The following RFWD3 variants were observed in gnomAD, a reference collection of about 807,000 sequenced individuals.
The protein encoded by RFWD3 is ring finger and WD repeat domain 3.
Under a neutral mutation model 87.7 loss-of-function variants are expected in RFWD3, and 65 were observed. The ratio of observed to expected loss-of-function variants is 0.74; its 90% CI spans 0.61 to 0.91. RFWD3 has a LOEUF of 0.91. Ranked by LOEUF, RFWD3 falls within the 40% of genes least tolerant of loss-of-function variation. The probability of loss-of-function intolerance (pLI) is 0.00; values close to 1 mark genes in which losing one functional copy is unlikely to be tolerated. For missense variants in RFWD3, 1,078 were observed against 938.5 expected, an observed-to-expected ratio of 1.15 and a Z score of -1.94; for synonymous variants, 433 against 352.8, an observed-to-expected ratio of 1.23 and a Z score of -2.55.
intron 2 of RFWD3, among the ~76,000 whole-genome samples, chr16:74,653,118 T>C (rs1317497897): frequency 6.6e-6 from 1 of 152,040 alleles, no homozygotes; most frequent in East Asian, 1.9e-4. Flanking sequence ...GTGGGTAAAC[T>C]GCTTGTGCCT....
At position 74,637,963 on chromosome 16, in the gene RFWD3, G is replaced by A. The variant is rs777436206; in HGVS notation, c.1087C>T (p.Leu363=). Residue 363 remains leucine, a synonymous_variant, in exon 7 of 13, where the codon CTG becomes TTG. Transcript: ENST00000361070. ...SEQERMKSSL[L]KEQMLRKQAE... is the part of the protein sequence containing the mutation. ...TGTTTCCTTAGCATCTGTTCCTTCA[G>A]TAGGGAACTAGAGGGGGAAAGCCAG... The A allele has an allele frequency of 1.9e-6, 3 of 1,608,884 alleles. No homozygotes were observed. The Admixed American group carries it at 5.0e-5, about 27-fold the overall frequency.
At chr16:74,637,484 G>A (rs1171962065) in intron 7 of RFWD3, among the ~76,000 whole-genome samples, 1 of 151,970 alleles carries the variant, frequency 6.6e-6, no homozygotes, top group African/African-American at 2.4e-5. Context: ...AAAATTAGCT[G>A]GGCATGGTGG....
chr16:74,633,511 G>A (rs535450907), intron 8 of RFWD3, among the ~76,000 whole-genome samples: 1 of 152,118 alleles, frequency 6.6e-6, no homozygotes, highest in East Asian at 1.9e-4. Flanking sequence ...ACCAAAAAAT[G>A]GTAACACTAT....
At chr16:74,662,124 C>G (rs1169582558) in intron 1 of RFWD3, among the ~76,000 whole-genome samples, 1 of 151,740 alleles carries the variant, frequency 6.6e-6, no homozygotes, top group Non-Finnish European at 1.5e-5. Flanking sequence ...AAAACTACCA[C>G]CTAGTTTTTA....
chr16:74,633,867 T>G (rs1959170878), intron 8 of RFWD3, among the ~76,000 whole-genome samples: 1 of 151,892 alleles, frequency 6.6e-6, no homozygotes, highest in South Asian at 2.1e-4. Context: ...GAAGGATGAC[T>G]TGAGCCCAGG....
At chr16:74,660,771 G>T in intron 2 of RFWD3, 161 bp downstream of exon 2, 1 of 709,948 alleles carries the variant, frequency 1.4e-6, no homozygotes, top group South Asian at 1.9e-5. Context: ...TCATTACTTT[G>T]TGAAGTAAGG....
chr16:74,632,269 G>C (rs1489930580), intron 9 of RFWD3, among the ~76,000 whole-genome samples: 1 of 152,072 alleles, frequency 6.6e-6, no homozygotes, highest in Admixed American at 6.6e-5. Context: ...GCAGGCGCCT[G>C]TAGTCCTAGC....
At chr16:74,644,921 A>G (rs991110541) in intron 4 of RFWD3, among the ~76,000 whole-genome samples, 186 bp from the exon 5 acceptor site, 123 of 152,218 alleles carry the variant, frequency 8.1e-4, no homozygotes, top group Non-Finnish European at 1.1e-3. Context: ...AATATAAGCT[A>G]TGAAAACTAT....
intron 6 of RFWD3, among the ~76,000 whole-genome samples, chr16:74,640,239 G>C (rs1019164561): frequency 1.3e-5 from 2 of 150,942 alleles, no homozygotes; most frequent in South Asian, 2.1e-4. Flanking sequence ...GCCTCCTCCC[G>C]AGTTCAAGCG....
intron 7 of RFWD3, 96 bp from the exon 8 acceptor site, chr16:74,636,673 A>C: frequency 1.1e-6 from 1 of 949,898 alleles, no homozygotes; most frequent in Non-Finnish European, 1.6e-6. Context: ...TTTTTTATCC[A>C]TTATATGAAA....
intron 2 of RFWD3, among the ~76,000 whole-genome samples, chr16:74,654,354 T>A (rs891433400): frequency 1.3e-5 from 2 of 152,196 alleles, no homozygotes; most frequent in African/African-American, 4.8e-5. Flanking sequence ...TCTGCCTGTG[T>A]TGGGTTTTGT....
chr16:74,651,712 G>A lies in RFWD3; in HGVS notation c.721+208C>T, dbSNP rs941283730. On this transcript the variant is annotated intron_variant, in intron 3 of 12. Coordinates refer to ENST00000361070, the MANE Select transcript of RFWD3 (RefSeq NM_018124.4). ...GCCACTACAAAGTGACTAACTCACT[G>A]GGTCACAAATTACATTAAGCTGTAA... Among the ~76,000 whole-genome samples, 3 of 152,294 alleles carry A rather than the reference G, an allele frequency of 2.0e-5. No individual in the cohort carries two copies. The East Asian group carries it at 5.8e-4, about 29-fold the overall frequency.
intron 1 of RFWD3, among the ~76,000 whole-genome samples, chr16:74,663,473 C>T (rs1054757209): frequency 6.6e-6 from 1 of 152,004 alleles, no homozygotes; most frequent in African/African-American, 2.4e-5. Context: ...TGACAGGTGA[C>T]CTAAAAAAGC....
intron 8 of RFWD3, 165 bp from the exon 9 acceptor site, chr16:74,632,838 T>C (rs766162298): frequency 1.7e-4 from 103 of 623,334 alleles, no homozygotes; most frequent in Non-Finnish European, 2.6e-4. Flanking sequence ...TTCATTTATT[T>C]TTGAGAGTTG....
At chr16:74,658,766 A>ATTT (rs386364851) in intron 2 of RFWD3, among the ~76,000 whole-genome samples, 1 of 139,500 alleles carries the variant, frequency 7.2e-6, no homozygotes. Context: ...AGATTCTATA[A>ATTT]TTTTTTTTTT....
At chr16:74,660,346 G>A (rs1961326011) in intron 2 of RFWD3, among the ~76,000 whole-genome samples, 1 of 152,180 alleles carries the variant, frequency 6.6e-6, no homozygotes, top group South Asian at 2.1e-4. Context: ...CCAGGTACTG[G>A]GGAAGCTGAG....
rs565936536 is a variant in RFWD3, at chr16:74,649,300, C to T, written c.722-98G>A. The T allele has an allele frequency of 2.0e-4, 148 of 746,712 alleles. 2 individuals carry two copies. In the South Asian group the frequency reaches 2.5e-3, roughly 12 times the overall value. The allele number at this position is 746,712 out of a possible 1,614,324, so 46.3% of individuals were successfully genotyped here. A position where few individuals can be genotyped will look rare whatever the true frequency, so the allele number is the denominator to read the frequency against. On this transcript the variant is annotated intron_variant, in intron 3 of 12. Coordinates refer to ENST00000361070, the MANE Select transcript of RFWD3 (RefSeq NM_018124.4). ...CAGGAGAGAGCCTGACTCACTACAG[C>T]TTCCCATTTCTAACTGACAGTGTTC...
chr16:74,666,601 C>G (rs1597468761), intron 1 of RFWD3, 185 bp downstream of exon 1: 1 of 152,252 alleles, frequency 6.6e-6, no homozygotes, highest in Non-Finnish European at 1.5e-5. Context: ...GGGGTTCGGG[C>G]TCCTTAGCCC....
At chr16:74,638,443 A>C (rs1959335896) in intron 6 of RFWD3, among the ~76,000 whole-genome samples, 1 of 152,262 alleles carries the variant, frequency 6.6e-6, no homozygotes, top group South Asian at 2.1e-4. Context: ...AAAAGCATAA[A>C]TAGGCATAAC....
Sources: gnomAD v4.1 joint callset for allele counts (sites outside exome capture counted in the v4.1 genomes callset) on GRCh38, gnomAD v4.1.1 for gene constraint, MANE v1.5 for transcripts, NCBI Gene and HGNC (gene_info 2026-07-23, HGNC 2026-07-21) for gene names.